The following COG5 variants were observed in gnomAD, a reference collection of about 807,000 sequenced individuals.
COG5 encodes the protein component of oligomeric golgi complex 5, also known as conserved oligomeric Golgi complex subunit 5.
A neutral mutation model predicts 110.4 loss-of-function variants in COG5; 86 were observed. The ratio of observed to expected loss-of-function variants is 0.78; its 90% CI spans 0.65 to 0.93. The LOEUF (loss-of-function observed/expected upper bound fraction) is 0.93. Ranked by LOEUF, COG5 falls within the 40% of genes least tolerant of loss-of-function variation. The probability of loss-of-function intolerance (pLI) is 0.00; values close to 1 mark genes in which losing one functional copy is unlikely to be tolerated. For missense variants in COG5, 1,077 were observed against 987.0 expected (o/e 1.09, Z -1.22); for synonymous variants, 360 against 334.6 (o/e 1.08, Z -0.83).
chr7:107,454,414 G>A (rs1435693095), intron 6 of COG5, among the ~76,000 whole-genome samples: 1 of 152,100 alleles, frequency 6.6e-6, no homozygotes, highest in Admixed American at 6.5e-5. Context: ...GTATTACAGG[G>A]AAAAAATAAT....
In COG5 at chr7:107,223,354, G is replaced by A. The variant is rs78162829; in HGVS notation, c.2168+7261C>T. ...TAGGGAGGCCTAGTTTGTGGCACGAGGGGCCATGTGGGTCCCAGGAGAGAA... is the reference window on the plus strand; with the variant it reads ...TAGGGAGGCCTAGTTTGTGGCACGAAGGGCCATGTGGGTCCCAGGAGAGAA... On this transcript the variant is annotated intron_variant, in intron 19 of 21. Transcript: ENST00000297135. Among the ~76,000 whole-genome samples, 1,290 of 152,296 alleles carry A rather than the reference G, an allele frequency of 8.5e-3. 23 individuals are homozygous for A. Among genetic ancestry groups the A allele is most frequent in the African/African-American group, 0.028 (1,177 of 41,556 alleles).
chr7:107,201,488 A>G lies in COG5; in HGVS notation c.*2028T>C. On this transcript the variant is annotated 3_prime_UTR_variant, in exon 22 of 22. Transcript: ENST00000297135. ...TGCATATACATTGACTCTTGATGGAAAGACTTAAGAAGATCAAGGTCTCAC... is the reference window on the plus strand; with the variant it reads ...TGCATATACATTGACTCTTGATGGAGAGACTTAAGAAGATCAAGGTCTCAC... 1 of 1,059,330 alleles carries G rather than the reference A, an allele frequency of 9.4e-7. No homozygotes were observed. The highest frequency in any genetic ancestry group is 1.3e-5 in the South Asian group (1 of 75,522). The allele number at this position is 1,059,330 out of a possible 1,614,324, so 65.6% of individuals were successfully genotyped here. A position where few individuals can be genotyped will look rare whatever the true frequency, so the allele number is the denominator to read the frequency against.
intron 6 of COG5, among the ~76,000 whole-genome samples, chr7:107,504,120 G>T (rs1798814026): frequency 6.6e-6 from 1 of 152,142 alleles, no homozygotes; most frequent in Non-Finnish European, 1.5e-5. Flanking sequence ...TCAGTATGAT[G>T]TCGGCTGTGG....
chr7:107,464,283 C>T (rs565725036), intron 6 of COG5, among the ~76,000 whole-genome samples: 1 of 152,362 alleles, frequency 6.6e-6, no homozygotes, highest in South Asian at 2.1e-4. Context: ...AGAAGCCCTT[C>T]ATTCAGCAGC....
At chr7:107,258,767 G>A (rs1429553565) in intron 14 of COG5, 1 of 170,678 alleles carries the variant, frequency 5.9e-6, no homozygotes. Context: ...CTGCCAGTTG[G>A]GCTCTTTCTA....
intron 19 of COG5, among the ~76,000 whole-genome samples, chr7:107,226,422 C>G (rs959828259): frequency 3.3e-5 from 5 of 152,318 alleles, no homozygotes; most frequent in Non-Finnish European, 7.3e-5. Context: ...AAAGAAGAGA[C>G]AGATCTCTAA....
At chr7:107,381,504 C>T (rs377374674) in intron 7 of COG5, among the ~76,000 whole-genome samples, 9 of 152,258 alleles carry the variant, frequency 5.9e-5, no homozygotes, top group South Asian at 2.1e-4. Flanking sequence ...ATAGAGATAA[C>T]CAAACTTCGT....
In COG5 at chr7:107,404,127, T is replaced by C. The variant is rs148730872; in HGVS notation, c.669+8375A>G. Among the ~76,000 whole-genome samples, 1,430 of 152,282 alleles carry C rather than the reference T, an allele frequency of 9.4e-3. 25 individuals carry two copies. Among genetic ancestry groups the C allele is most frequent in the African/African-American group, 0.032 (1,329 of 41,552 alleles). ...TATTAAATACTACTAATTTCACAAC[T>C]GGTAAAGATAGCACTAAAGACTCAT... On this transcript the variant is annotated intron_variant, in intron 7 of 21. Coordinates refer to ENST00000297135, the MANE Select transcript of COG5 (RefSeq NM_006348.5).
At position 107,474,433 on chromosome 7, in the gene COG5, G is replaced by A. The variant is rs767086660; in HGVS notation, c.538+52804C>T. 1 of 1,613,190 alleles carries A rather than the reference G, an allele frequency of 6.2e-7. No individual in the cohort carries two copies. Among genetic ancestry groups the A allele is most frequent in the African/African-American group, 1.3e-5 (1 of 74,968 alleles). On this transcript the variant is annotated intron_variant, in intron 6 of 21. Coordinates refer to ENST00000297135, the MANE Select transcript of COG5 (RefSeq NM_006348.5). This position sits in a 1 kb window ranked among gnomAD's most constrained non-coding sequence, Gnocchi z 5.7. ...TTTCCATGAGGCTTGTGTATCTTTTGCAAGTGTCTCAACAGCAATCAACGT... is the reference window on the plus strand; with the variant it reads ...TTTCCATGAGGCTTGTGTATCTTTTACAAGTGTCTCAACAGCAATCAACGT...
intron 17 of COG5, 25 bp from the exon 18 acceptor site, chr7:107,236,712 T>C: frequency 7.0e-7 from 1 of 1,438,202 alleles, no homozygotes; most frequent in Non-Finnish European, 9.8e-7. Context: ...GCAGCCCTTT[T>C]CAGCACCGCT....
At chr7:107,384,168 T>G (rs1480252471) in intron 7 of COG5, among the ~76,000 whole-genome samples, 5 of 152,160 alleles carry the variant, frequency 3.3e-5, no homozygotes, top group Non-Finnish European at 5.9e-5. Context: ...GATGGCTCCT[T>G]CTGCTGGGAA....
chr7:107,330,624 G>T (rs1410565801), intron 10 of COG5, among the ~76,000 whole-genome samples: 1 of 152,070 alleles, frequency 6.6e-6, no homozygotes, highest in Non-Finnish European at 1.5e-5. Context: ...TAACTTTATT[G>T]TGCTGAGTAT....
chr7:107,449,362 A>C (rs374867193), intron 6 of COG5, among the ~76,000 whole-genome samples: 8 of 152,220 alleles, frequency 5.3e-5, no homozygotes, highest in Non-Finnish European at 7.3e-5. Flanking sequence ...AAAAGAAAAA[A>C]GAAAAATTAA....
At chr7:107,376,086 A>G (rs2129051346) in intron 7 of COG5, among the ~76,000 whole-genome samples, 1 of 152,158 alleles carries the variant, frequency 6.6e-6, no homozygotes, top group Middle Eastern at 3.4e-3. Flanking sequence ...CGCACTCCCG[A>G]AAAGTCACCT....
At chr7:107,414,702 C>CTTTTTT (rs1563019968) in intron 6 of COG5, among the ~76,000 whole-genome samples, 3 of 100,714 alleles carry the variant, frequency 3.0e-5, no homozygotes, top group East Asian at 6.0e-4. Flanking sequence ...CCTCACTGTC[C>CTTTTTT]CTTTTTTTTT....
chr7:107,329,333 T>C (rs1172713642), intron 10 of COG5, among the ~76,000 whole-genome samples: 1 of 151,972 alleles, frequency 6.6e-6, no homozygotes, highest in Non-Finnish European at 1.5e-5. Flanking sequence ...AGATATAAAG[T>C]AGATTCAGAG....
intron 1 of COG5, among the ~76,000 whole-genome samples, chr7:107,562,181 C>T (rs1324352427): frequency 3.9e-5 from 6 of 152,060 alleles, no homozygotes; most frequent in Middle Eastern, 3.4e-3. Flanking sequence ...GAGCTTGAAG[C>T]GAAAGGTTTG....
intron 1 of COG5, among the ~76,000 whole-genome samples, chr7:107,560,524 C>G (rs1456777690): frequency 6.6e-6 from 1 of 152,196 alleles, no homozygotes; most frequent in East Asian, 1.9e-4. Flanking sequence ...ACTTAGACCA[C>G]TAGACACTGA....
intron 6 of COG5, among the ~76,000 whole-genome samples, chr7:107,504,150 T>G (rs568793888): frequency 2.8e-4 from 42 of 152,302 alleles, no homozygotes; most frequent in African/African-American, 9.6e-4. Context: ...ATATGGCTTT[T>G]ATTAATTTGA....
Sources: allele counts gnomAD v4.1 joint callset (sites outside exome capture counted in the v4.1 genomes callset), GRCh38; gene constraint gnomAD v4.1.1; non-coding constraint Gnocchi (gnomAD v3.1); transcripts MANE v1.5; gene names NCBI Gene and HGNC (gene_info 2026-07-23, HGNC 2026-07-21).